Variants in MRRF observed in about 807,000 individuals in gnomAD.
MRRF encodes ribosome-recycling factor, mitochondrial.
MRRF carries 18 observed loss-of-function variants against 25.1 expected under a neutral mutation model. The observed-to-expected ratio is 0.72, with a 90% CI of 0.50 to 1.06. MRRF has a LOEUF of 1.06. Among genes scored for constraint, MRRF ranks in the 50% least tolerant of loss-of-function variants. MRRF has a pLI of 0.00. For missense variants in MRRF, 323 were observed against 319.3 expected, an observed-to-expected ratio of 1.01 and a Z score of -0.09; for synonymous variants, 113 against 112.1, an observed-to-expected ratio of 1.01 and a Z score of -0.05.
rs964711875 is a variant in MRRF, at chr9:122,329,225, T to G, written c.*6608T>G. 3 of 152,204 alleles carry G rather than the reference T, an allele frequency of 2.0e-5. No individual in the cohort carries two copies. The highest frequency in any genetic ancestry group is 2.0e-4 in the Admixed American group (3 of 15,284). The allele number at this position is 152,204 out of a possible 1,614,324, so 9.4% of individuals were successfully genotyped here. On this transcript the variant is annotated 3_prime_UTR_variant, in exon 7 of 7. Transcript: ENST00000344641. ...CACCAGTGCTTAAGCGAAACGGAAT[T>G]ATTAGCTTTTCTGAAAGCTAATAAT...
At chr9:122,292,980 G>GGAAT (rs1426897090) in intron 5 of MRRF, among the ~76,000 whole-genome samples, 1 of 152,106 alleles carries the variant, frequency 6.6e-6, no homozygotes, top group Non-Finnish European at 1.5e-5. Context: ...CTTAGTTGTT[G>GGAAT]GAATATAGCA....
rs766328507 is a variant in MRRF at position 122,280,509 on chromosome 9, A to C, written c.251A>C (p.Asn84Thr). ...INAALVEDII[N>T]LEEVNEEMKS... ...GCTGCCTTGGTTGAGGATATAATCA[A>C]CTTGGAAGAGGTGAATGAAGAAATG... The change falls in exon 3 of 7, where the codon AAC (asparagine) becomes ACC (threonine). Residue 84 changes from asparagine (N) to threonine (T), a missense_variant. Transcript: ENST00000344641. 7 of 1,613,964 alleles carry C rather than the reference A, an allele frequency of 4.3e-6. No homozygotes were observed. Among genetic ancestry groups the C allele is most frequent in the South Asian group, 3.3e-5 (3 of 91,084 alleles).
chr9:122,309,353 C>T (rs566943223), intron 5 of MRRF, among the ~76,000 whole-genome samples: 15 of 152,276 alleles, frequency 9.9e-5, no homozygotes, highest in African/African-American at 3.4e-4. Flanking sequence ...CAAAGCCTTG[C>T]TCTTGCCAGC....
At chr9:122,272,679 A>G (rs1319509622) in intron 2 of MRRF, among the ~76,000 whole-genome samples, 1 of 152,124 alleles carries the variant, frequency 6.6e-6, no homozygotes, top group African/African-American at 2.4e-5. Context: ...TTCTTTGTCC[A>G]TATGTTCCAA....
chr9:122,277,433 G>A (rs1832842027), intron 2 of MRRF, among the ~76,000 whole-genome samples: 1 of 152,066 alleles, frequency 6.6e-6, no homozygotes, highest in South Asian at 2.1e-4. Flanking sequence ...AAACCGTTAT[G>A]TTATATTCAG....
At chr9:122,310,117 TC>T (rs1260049151) in intron 5 of MRRF, among the ~76,000 whole-genome samples, 1 of 152,222 alleles carries the variant, frequency 6.6e-6, no homozygotes, top group Non-Finnish European at 1.5e-5. Context: ...AAAGGGAGGT[TC>T]TGTTTCATTT....
chr9:122,268,106 T>C (rs1210320924), intron 1 of MRRF, among the ~76,000 whole-genome samples: 1 of 152,256 alleles, frequency 6.6e-6, no homozygotes, highest in Non-Finnish European at 1.5e-5. Flanking sequence ...TTAATTTGTA[T>C]ACCCTTAAGG....
chr9:122,300,734 A>G (rs1039716819), intron 5 of MRRF, among the ~76,000 whole-genome samples: 1 of 151,404 alleles, frequency 6.6e-6, no homozygotes, highest in African/African-American at 2.4e-5. Flanking sequence ...CTTTTCCTGC[A>G]TTTTTACAGA....
In MRRF at chr9:122,310,058, A is replaced by G. The variant is rs533722934; in HGVS notation, c.552-3169A>G. 1.7e-4 allele frequency among the ~76,000 whole-genome samples: 26 copies of G among 152,354 alleles called. 1 individual carries two copies. In the South Asian group the frequency reaches 5.2e-3, roughly 30 times the overall value. ...GTGTTTATTCTCTATCAGGCCTTGT[A>G]CTGGATGCTTCCCATGTATTACCTC... is the stretch of plus-strand genomic sequence containing the variant. On this transcript the variant is annotated intron_variant, in intron 5 of 6. Transcript: ENST00000344641.
At chr9:122,316,409 C>A (rs1288588176) in intron 6 of MRRF, among the ~76,000 whole-genome samples, 1 of 152,112 alleles carries the variant, frequency 6.6e-6, no homozygotes, top group Non-Finnish European at 1.5e-5. Flanking sequence ...CTCCTGACCT[C>A]AGATGATCCG....
At chr9:122,292,267 G>A (rs1833825147) in intron 5 of MRRF, among the ~76,000 whole-genome samples, 1 of 152,106 alleles carries the variant, frequency 6.6e-6, no homozygotes, top group South Asian at 2.1e-4. Context: ...TGATGAGAAA[G>A]AACCAGCCTA....
intron 6 of MRRF, among the ~76,000 whole-genome samples, chr9:122,313,759 G>C (rs553107965): frequency 6.6e-6 from 1 of 152,194 alleles, no homozygotes; most frequent in Non-Finnish European, 1.5e-5. Flanking sequence ...GGATTTCAGA[G>C]CCTCTACGCT....
intron 4 of MRRF, chr9:122,286,042 T>C (rs1462286630): frequency 7.7e-7 from 1 of 1,295,784 alleles, no homozygotes; most frequent in African/African-American, 1.5e-5. Context: ...CCACTAGGAA[T>C]TGGCCTGGAT....
At chr9:122,291,959 C>G in intron 5 of MRRF, 119 bp downstream of exon 5, 2 of 777,674 alleles carry the variant, frequency 2.6e-6, no homozygotes, top group Non-Finnish European at 4.7e-6. Flanking sequence ...TACCTTTCAC[C>G]CTGGCAAACA....
intron 5 of MRRF, among the ~76,000 whole-genome samples, chr9:122,305,470 A>G (rs1465989662): frequency 6.6e-6 from 1 of 151,866 alleles, no homozygotes; most frequent in African/African-American, 2.4e-5. Flanking sequence ...CAGGCTGTCC[A>G]CTTTCTAATC....
intron 2 of MRRF, among the ~76,000 whole-genome samples, chr9:122,276,519 T>C (rs900023986): frequency 2.6e-5 from 4 of 152,246 alleles, no homozygotes; most frequent in Non-Finnish European, 4.4e-5. Flanking sequence ...ATTTCCATTA[T>C]GCATTTCTTT....
chr9:122,309,872 A>T (rs369932856), intron 5 of MRRF, among the ~76,000 whole-genome samples: 2 of 152,352 alleles, frequency 1.3e-5, no homozygotes, highest in Admixed American at 6.5e-5. Flanking sequence ...TGTCTGTGAG[A>T]TGTTAAATTA....
chr9:122,271,693 GTTTAT>G (rs1301513593), intron 2 of MRRF, among the ~76,000 whole-genome samples: 6 of 152,136 alleles, frequency 3.9e-5, no homozygotes, highest in African/African-American at 1.4e-4. Context: ...ATTGATTATC[GTTTAT>G]CTGTCTTCTA....
intron 2 of MRRF, among the ~76,000 whole-genome samples, chr9:122,276,379 C>A (rs1374558567): frequency 6.6e-6 from 1 of 152,244 alleles, no homozygotes; most frequent in Non-Finnish European, 1.5e-5. Context: ...TAACCTTGAA[C>A]TCCTGGGCTC....
Sources: gnomAD v4.1 joint callset for allele counts (sites outside exome capture counted in the v4.1 genomes callset) on GRCh38, gnomAD v4.1.1 for gene constraint, MANE v1.5 for transcripts, NCBI Gene and HGNC (gene_info 2026-07-23, HGNC 2026-07-21) for gene names.